The following CNTNAP2 variants were observed in gnomAD, a reference collection of about 807,000 sequenced individuals.
CNTNAP2 encodes contactin-associated protein-like 2.
A neutral mutation model predicts 155.2 loss-of-function variants in CNTNAP2; 98 were observed. The observed-to-expected ratio is 0.63, with a 90% CI of 0.54 to 0.75. The LOEUF (loss-of-function observed/expected upper bound fraction) is 0.75, where lower values mean the gene tolerates loss of function less well. Ranked by LOEUF, CNTNAP2 falls within the 30% of genes least tolerant of loss-of-function variation. The probability of loss-of-function intolerance (pLI) is 0.00; values close to 1 mark genes in which losing one functional copy is unlikely to be tolerated. For synonymous variants in CNTNAP2, 651 were observed against 631.2 expected (o/e 1.03, Z -0.47); for missense variants, 1,727 against 1,688.1 (o/e 1.02, Z -0.40).
At chr7:146,836,126 T>C (rs1271340146) in intron 2 of CNTNAP2, among the ~76,000 whole-genome samples, 1 of 152,200 alleles carries the variant, frequency 6.6e-6, no homozygotes, top group African/African-American at 2.4e-5. Context: ...CGTTTGCACA[T>C]ATATTCCATA....
At chr7:147,552,403 G>A (rs764405864) in intron 11 of CNTNAP2, among the ~76,000 whole-genome samples, 13 of 151,882 alleles carry the variant, frequency 8.6e-5, no homozygotes, top group Admixed American at 4.6e-4. Context: ...GTATACAAAC[G>A]TAGCTATCTT....
chr7:147,498,535 C>A (rs1919193), intron 11 of CNTNAP2, among the ~76,000 whole-genome samples: 43,556 of 152,054 alleles, frequency 0.29, 6,376 homozygotes, highest in East Asian at 0.43. Context: ...AAAAATAATA[C>A]TACAGAATGA....
Position 146,839,880 on chromosome 7 carries a change from C to T in CNTNAP2, c.378C>T (p.Pro126=), listed in dbSNP as rs1490114660. The T allele has an allele frequency of 6.2e-7, 1 of 1,614,118 alleles. No individual in the cohort carries two copies. Among genetic ancestry groups the T allele is most frequent in the South Asian group, 1.1e-5 (1 of 91,074 alleles). ...GCGACACAGGGAGAAACTGGAAACC[C>T]TATCATCAAGATGGGAATATCTGGG... ...LYSDTGRNWK[P]YHQDGNIWAF... The change falls in exon 3 of 24, where the codon CCC becomes CCT. Residue 126 remains proline, a synonymous_variant. Coordinates refer to ENST00000361727, the MANE Select transcript of CNTNAP2 (RefSeq NM_014141.6).
intron 9 of CNTNAP2, among the ~76,000 whole-genome samples, chr7:147,353,109 A>ACG (rs1795997287): frequency 6.8e-6 from 1 of 147,990 alleles, no homozygotes; most frequent in African/African-American, 2.5e-5. Flanking sequence ...ACACACACAC[A>ACG]TGTATATGTA....
chr7:146,432,331 T>A (rs1796184469), intron 1 of CNTNAP2, among the ~76,000 whole-genome samples: 3 of 152,136 alleles, frequency 2.0e-5, no homozygotes, highest in Admixed American at 1.3e-4. Flanking sequence ...TCACTGTTTT[T>A]ACATACTATA....
chr7:146,843,771 AATG>A lies in CNTNAP2; in HGVS notation c.402+3870_402+3872del, dbSNP rs370207676. ...ACTCTTGGGGATTAAGTTTATTAAA[AATG>A]ATATTAAATACTAGAGTTTTTTAAT... On this transcript the variant is annotated intron_variant, in intron 3 of 23. Transcript: ENST00000361727. 5.9e-3 allele frequency among the ~76,000 whole-genome samples: 899 copies of A among 152,270 alleles called. 9 individuals carry two copies. Among genetic ancestry groups the A allele is most frequent in the African/African-American group, 0.021 (872 of 41,576 alleles).
chr7:148,312,963 A>T (rs182990225), intron 21 of CNTNAP2, among the ~76,000 whole-genome samples: 9 of 151,732 alleles, frequency 5.9e-5, no homozygotes, highest in African/African-American at 1.9e-4. Flanking sequence ...GGTGGCAATG[A>T]GGTGTGGCTG....
chr7:146,895,067 C>T (rs1027072716), intron 3 of CNTNAP2, among the ~76,000 whole-genome samples: 1 of 152,040 alleles, frequency 6.6e-6, no homozygotes, highest in Non-Finnish European at 1.5e-5. Flanking sequence ...TCTTGTACTG[C>T]AGTATTTCTT....
chr7:147,306,236 T>C (rs185215241), intron 9 of CNTNAP2, among the ~76,000 whole-genome samples: 1 of 152,246 alleles, frequency 6.6e-6, no homozygotes, highest in East Asian at 1.9e-4. Context: ...CTAAAGGAGA[T>C]TCATACTTCT....
intron 10 of CNTNAP2, among the ~76,000 whole-genome samples, chr7:147,437,938 TG>T (rs1797579167): frequency 6.6e-6 from 1 of 152,086 alleles, no homozygotes; most frequent in African/African-American, 2.4e-5. Context: ...CATATAGAAA[TG>T]GTACTAATTT....
intron 1 of CNTNAP2, among the ~76,000 whole-genome samples, chr7:146,744,359 ATT>A (rs1801774424): frequency 6.6e-6 from 1 of 151,888 alleles, no homozygotes; most frequent in Non-Finnish European, 1.5e-5. Flanking sequence ...ATTAAGCCTT[ATT>A]TACTGGGATG....
chr7:147,348,444 T>C (rs947010093), intron 9 of CNTNAP2, among the ~76,000 whole-genome samples: 1 of 150,866 alleles, frequency 6.6e-6, no homozygotes, highest in Non-Finnish European at 1.5e-5. Context: ...AAAATCACAA[T>C]AAGTTATCGC....
At chr7:146,280,132 T>A (rs1010083280) in intron 1 of CNTNAP2, among the ~76,000 whole-genome samples, 3 of 152,158 alleles carry the variant, frequency 2.0e-5, no homozygotes, top group Admixed American at 1.3e-4. Context: ...CACGTCTATC[T>A]TTTTTAGTAA....
intron 21 of CNTNAP2, among the ~76,000 whole-genome samples, chr7:148,331,133 A>G (rs1288596112): frequency 7.2e-6 from 1 of 138,306 alleles, no homozygotes; most frequent in Admixed American, 7.2e-5. Flanking sequence ...GGATGGGTGG[A>G]TGGATGGATG....
chr7:147,850,554 G>T (rs1044041850), intron 13 of CNTNAP2, among the ~76,000 whole-genome samples: 1 of 152,204 alleles, frequency 6.6e-6, no homozygotes, highest in Non-Finnish European at 1.5e-5. Flanking sequence ...AAACAGCATG[G>T]TACTGGTGCC....
At chr7:148,042,400 T>C (rs1009209910) in intron 15 of CNTNAP2, among the ~76,000 whole-genome samples, 5 of 152,228 alleles carry the variant, frequency 3.3e-5, no homozygotes, top group Non-Finnish European at 7.3e-5. Flanking sequence ...GCCTGATTTC[T>C]TTTTAAAGCT....
At chr7:147,775,248 TATATA>T (rs1797544903) in intron 13 of CNTNAP2, among the ~76,000 whole-genome samples, 1 of 118,012 alleles carries the variant, frequency 8.5e-6, no homozygotes, top group Admixed American at 1.2e-4. Flanking sequence ...TATATTTATA[TATATA>T]TTTATAAATA....
At chr7:146,421,870 T>C (rs1796016518) in intron 1 of CNTNAP2, among the ~76,000 whole-genome samples, 1 of 148,022 alleles carries the variant, frequency 6.8e-6, no homozygotes, top group Admixed American at 6.8e-5. Context: ...TATACATGAA[T>C]TTATATATAA....
rs36020816 is a variant in CNTNAP2, at chr7:148,405,420, A to ATTTTTTTTTTTTTTTTTTTTTT, written c.3716-3966_3716-3945dup. Among the ~76,000 whole-genome samples the ATTTTTTTTTTTTTTTTTTTTTT allele has an allele frequency of 1.1e-3, 69 of 64,306 alleles. 10 individuals carry two copies. The highest frequency in any genetic ancestry group is 2.5e-3 in the East Asian group (5 of 2,020). The allele number at this position is 64,306 out of a possible 152,430, so 42.2% of individuals were successfully genotyped here. A position where few individuals can be genotyped will look rare whatever the true frequency, so the allele number is the denominator to read the frequency against. ...TCAAGGGAACCAGATTACCATTGTAATTTTTTTTTTTTTTTTTTTTTTTTT... is the reference window on the plus strand; with the variant it reads ...TCAAGGGAACCAGATTACCATTGTAATTTTTTTTTTTTTTTTTTTTTTTTTTTTTTTTTTTTTTTTTTTTTTT... On this transcript the variant is annotated intron_variant, in intron 22 of 23. Coordinates refer to ENST00000361727, the MANE Select transcript of CNTNAP2 (RefSeq NM_014141.6).
Sources: allele counts gnomAD v4.1 joint callset (sites outside exome capture counted in the v4.1 genomes callset), GRCh38; gene constraint gnomAD v4.1.1; transcripts MANE v1.5; gene names NCBI Gene and HGNC (gene_info 2026-07-23, HGNC 2026-07-21).